SHISA9: variants seen among roughly 807,000 people sequenced by gnomAD.
The protein encoded by SHISA9 is shisa family member 9.
SHISA9 carries 13 observed loss-of-function variants against 38.0 expected under a neutral mutation model. The observed-to-expected ratio is 0.34, with a 90% CI of 0.22 to 0.54. SHISA9 has a LOEUF of 0.54. SHISA9 is among the 20% of genes least tolerant of loss of function. SHISA9 has a pLI of 0.91. For missense variants in SHISA9, 538 were observed against 575.8 expected (o/e 0.93, Z 0.67); for synonymous variants, 275 against 242.0 (o/e 1.14, Z -1.27).
At chr16:13,370,098 T>C in the SHISA9 span, among the ~76,000 whole-genome samples, 2 of 152,360 alleles carry the variant, frequency 1.3e-5, no homozygotes, top group East Asian at 3.9e-4. Context: ...TAGAGTTCAC[T>C]AGCTGATTCC....
intron 2 of SHISA9, among the ~76,000 whole-genome samples, chr16:13,189,042 A>G (rs2050857501): frequency 6.6e-6 from 1 of 152,204 alleles, no homozygotes; most frequent in South Asian, 2.1e-4. Flanking sequence ...TTGCCAGGTA[A>G]CCATCAGAAG....
At chr16:13,310,364 A>G in the SHISA9 span, among the ~76,000 whole-genome samples, 2 of 152,204 alleles carry the variant, frequency 1.3e-5, no homozygotes, top group Non-Finnish European at 2.9e-5. Context: ...AGTTTAGTGA[A>G]CATCCAGATA....
chr16:13,451,980 G>T, the SHISA9 span, among the ~76,000 whole-genome samples: 3 of 152,338 alleles, frequency 2.0e-5, no homozygotes, highest in South Asian at 6.2e-4. Flanking sequence ...TTGCAAAGAA[G>T]TATGTCAGGA....
rs574001065 is a variant in SHISA9, at chr16:13,155,212, T to C, written c.692-48182T>C. On this transcript the variant is annotated intron_variant, in intron 2 of 4. Coordinates refer to ENST00000558583, the MANE Select transcript of SHISA9 (RefSeq NM_001145204.3). ...CAAATGGGATGAGTTGGACTTTAAA[T>C]GGGATGGAGTGGCTTAGAATGCAAT... Among the ~76,000 whole-genome samples, 47 of 152,218 alleles carry C rather than the reference T, an allele frequency of 3.1e-4. No individual in the cohort carries two copies. In the South Asian group the frequency reaches 9.8e-3, roughly 32 times the overall value.
At position 13,214,964 on chromosome 16, in the gene SHISA9, C is replaced by T. The variant is rs549960334; in HGVS notation, c.895+1664C>T. Among the ~76,000 whole-genome samples the T allele has an allele frequency of 6.5e-4, 98 of 151,604 alleles. 1 individual carries two copies. Among genetic ancestry groups the T allele is most frequent in the South Asian group, 3.3e-3 (16 of 4,792 alleles). On this transcript the variant is annotated intron_variant, in intron 4 of 4. Transcript: ENST00000558583. ...ATAGTTGTGGCCATTTTTTTTTTGC[C>T]GTTTCAAAAGATTATTCTGGCTTCT... is the stretch of plus-strand genomic sequence containing the variant.
At chr16:13,359,762 C>T in the SHISA9 span, among the ~76,000 whole-genome samples, 4 of 152,166 alleles carry the variant, frequency 2.6e-5, no homozygotes, top group Non-Finnish European at 5.9e-5. Context: ...GTGTCACTTT[C>T]CTTGTGTGAA....
chr16:13,413,961 A>G, the SHISA9 span, among the ~76,000 whole-genome samples: 1 of 152,130 alleles, frequency 6.6e-6, no homozygotes, highest in Non-Finnish European at 1.5e-5. Flanking sequence ...AACCGTAGCA[A>G]TGGCTGGAAC....
At chr16:13,315,210 C>T in the SHISA9 span, among the ~76,000 whole-genome samples, 2 of 152,206 alleles carry the variant, frequency 1.3e-5, no homozygotes, top group South Asian at 2.1e-4. Flanking sequence ...GCAATGCTGA[C>T]TGGTACACAG....
the SHISA9 span, among the ~76,000 whole-genome samples, chr16:13,514,308 A>T: frequency 2.6e-5 from 4 of 152,160 alleles, no homozygotes; most frequent in South Asian, 4.1e-4. Context: ...AATTAAATTT[A>T]AAAAAAGGAA....
intron 2 of SHISA9, among the ~76,000 whole-genome samples, chr16:13,007,193 A>G (rs1164357883): frequency 6.6e-6 from 1 of 152,162 alleles, no homozygotes; most frequent in Non-Finnish European, 1.5e-5. Flanking sequence ...TGGACTTGAC[A>G]TTCTATTAGA....
At position 13,213,247 on chromosome 16, in the gene SHISA9, T is replaced by G. The variant is rs1004518583; in HGVS notation, c.848-6T>G. The G allele has an allele frequency of 9.7e-6, 15 of 1,551,526 alleles. No individual in the cohort carries two copies. The highest frequency in any genetic ancestry group is 1.3e-5 in the Non-Finnish European group (15 of 1,146,902). On this transcript the variant is annotated splice_polypyrimidine_tract_variant and splice_region_variant and intron_variant, in intron 3 of 4. Transcript: ENST00000558583. The stretch of plus-strand genomic sequence containing the variant: ...CATCAGCATTTCTTGATTGTTATTT[T>G]TTTAGGAAGTTCTGATGGTGACTGG...
chr16:13,189,867 G>A (rs1363510293), intron 2 of SHISA9, among the ~76,000 whole-genome samples: 2 of 152,086 alleles, frequency 1.3e-5, no homozygotes, highest in Non-Finnish European at 2.9e-5. Context: ...CTATGTGGCT[G>A]GTAAAACAGA....
intron 2 of SHISA9, among the ~76,000 whole-genome samples, chr16:13,194,699 G>A (rs746803808): frequency 4.9e-4 from 74 of 152,190 alleles, no homozygotes; most frequent in Non-Finnish European, 8.1e-4. Flanking sequence ...GCCATCCAGA[G>A]CCAAGCCCAC....
the SHISA9 span, among the ~76,000 whole-genome samples, chr16:13,489,995 C>G: frequency 2.0e-5 from 3 of 152,066 alleles, no homozygotes; most frequent in Non-Finnish European, 2.9e-5. Context: ...TACCAGGGGT[C>G]TGGTTAAATC....
the SHISA9 span, among the ~76,000 whole-genome samples, chr16:13,414,487 G>A: frequency 1.3e-5 from 2 of 152,198 alleles, no homozygotes; most frequent in East Asian, 1.9e-4. Context: ...GAATTCCCTG[G>A]GGATATTATT....
At chr16:13,028,248 T>G (rs1009965654) in intron 2 of SHISA9, among the ~76,000 whole-genome samples, 2 of 152,198 alleles carry the variant, frequency 1.3e-5, no homozygotes, top group Non-Finnish European at 2.9e-5. Context: ...GAAATCTGCC[T>G]CTATCATTGG....
chr16:13,185,849 G>A lies in SHISA9; in HGVS notation c.692-17545G>A, dbSNP rs572826681. On this transcript the variant is annotated intron_variant, in intron 2 of 4. Coordinates refer to ENST00000558583, the MANE Select transcript of SHISA9 (RefSeq NM_001145204.3). ...ATTTACTCAACAATCACCACCCTGA[G>A]CATTTTCAGAGGAAAATAAAATGGC... is the stretch of plus-strand genomic sequence containing the variant. Among the ~76,000 whole-genome samples, 11 of 152,300 alleles carry A rather than the reference G, an allele frequency of 7.2e-5. No individual in the cohort carries two copies. In the East Asian group the frequency reaches 1.7e-3, roughly 24 times the overall value.
chr16:13,112,371 A>G (rs2073987310), intron 2 of SHISA9, among the ~76,000 whole-genome samples: 1 of 152,050 alleles, frequency 6.6e-6, no homozygotes, highest in Non-Finnish European at 1.5e-5. Flanking sequence ...AGAAGAAGGG[A>G]AAGAGGGAGG....
chr16:13,093,737 A>G (rs567408130), intron 2 of SHISA9, among the ~76,000 whole-genome samples: 29 of 152,160 alleles, frequency 1.9e-4, no homozygotes, highest in African/African-American at 5.1e-4. Flanking sequence ...GACCTCCCCA[A>G]TCTCTGCCTT....
Sources: allele counts gnomAD v4.1 joint callset (sites outside exome capture counted in the v4.1 genomes callset), GRCh38; gene constraint gnomAD v4.1.1; transcripts MANE v1.5; gene names NCBI Gene and HGNC (gene_info 2026-07-23, HGNC 2026-07-21).